The following IL19 variants were observed in gnomAD, a reference collection of about 807,000 sequenced individuals.
IL19 encodes the protein interleukin-19.
In IL19, 15 loss-of-function variants were observed where a neutral mutation model predicts 19.5. The ratio of observed to expected loss-of-function variants is 0.77; its 90% confidence interval spans 0.52 to 1.19. IL19 has a LOEUF of 1.19. Among genes scored for constraint, IL19 ranks in the 50% most tolerant of loss-of-function variants. The pLI is 0.00. For missense variants in IL19, 199 were observed against 213.1 expected, an observed-to-expected ratio of 0.93 and a Z score of 0.41; for synonymous variants, 78 against 78.3, an observed-to-expected ratio of 1.00 and a Z score of 0.02.
intron 1 of IL19, among the ~76,000 whole-genome samples, chr1:206,791,306 T>G (rs928455819): frequency 1.3e-5 from 2 of 151,158 alleles, no homozygotes; most frequent in African/African-American, 2.4e-5. Flanking sequence ...CTTAGGTTTT[T>G]TTTTTTTTTT....
chr1:206,800,618 G>A (rs765401634), intron 2 of IL19, among the ~76,000 whole-genome samples: 5 of 152,176 alleles, frequency 3.3e-5, no homozygotes, highest in South Asian at 2.1e-4. Flanking sequence ...TTAGGAAACC[G>A]GGATGGGGAA....
At chr1:206,803,940 G>A (rs951210237) in intron 2 of IL19, among the ~76,000 whole-genome samples, 2 of 152,196 alleles carry the variant, frequency 1.3e-5, no homozygotes, top group African/African-American at 4.8e-5. Context: ...CTAGGAAATA[G>A]CACTTGGAAA....
At chr1:206,783,109 G>A (rs1675185591) in intron 1 of IL19, among the ~76,000 whole-genome samples, 1 of 152,158 alleles carries the variant, frequency 6.6e-6, no homozygotes, top group Non-Finnish European at 1.5e-5. Flanking sequence ...CATTTTATAA[G>A]GAGGGCACCC....
At chr1:206,776,893 T>C (rs1675013023) in intron 1 of IL19, among the ~76,000 whole-genome samples, 1 of 130,258 alleles carries the variant, frequency 7.7e-6, no homozygotes, top group African/African-American at 3.0e-5. Flanking sequence ...TTTCACTGTA[T>C]TAAATCTTGC....
At chr1:206,792,270 A>T (rs1675425886) in intron 1 of IL19, among the ~76,000 whole-genome samples, 2 of 152,150 alleles carry the variant, frequency 1.3e-5, no homozygotes, top group South Asian at 4.1e-4. Context: ...TAAATTCCTT[A>T]ACCATCTTTT....
At chr1:206,794,283 G>C (rs1257472193) in intron 1 of IL19, among the ~76,000 whole-genome samples, 1 of 152,160 alleles carries the variant, frequency 6.6e-6, no homozygotes, top group Non-Finnish European at 1.5e-5. Context: ...AATAACAGAT[G>C]GAAAGTTCCT....
chr1:206,787,512 C>G (rs1558607790), intron 1 of IL19, among the ~76,000 whole-genome samples: 1 of 152,160 alleles, frequency 6.6e-6, no homozygotes, highest in Non-Finnish European at 1.5e-5. Context: ...TTGACTAAGG[C>G]ACAGGTTTAC....
intron 1 of IL19, among the ~76,000 whole-genome samples, chr1:206,781,414 C>CAAAAAAAAAAAAAAAAAAAAAAA (rs57060549): frequency 5.3e-4 from 23 of 43,000 alleles, no homozygotes; most frequent in East Asian, 8.6e-4. Flanking sequence ...GACTCTGTCT[C>CAAAAAAAAAAAAAAAAAAAAAAA]AAAAAAAAAA....
intron 1 of IL19, among the ~76,000 whole-genome samples, chr1:206,788,584 A>G (rs976159093): frequency 5.3e-5 from 8 of 151,868 alleles, no homozygotes; most frequent in African/African-American, 1.9e-4. Flanking sequence ...TACATGGATG[A>G]ACTGTACAGT....
intron 2 of IL19, among the ~76,000 whole-genome samples, chr1:206,801,922 TG>T (rs1184627231): frequency 6.6e-6 from 1 of 152,172 alleles, no homozygotes; most frequent in Non-Finnish European, 1.5e-5. Context: ...AAGGCAGCTT[TG>T]GGAAGAACTC....
intron 1 of IL19, among the ~76,000 whole-genome samples, chr1:206,795,063 G>A (rs1449574193): frequency 6.6e-6 from 1 of 152,128 alleles, no homozygotes; most frequent in African/African-American, 2.4e-5. Flanking sequence ...TCTGGCCCAG[G>A]TGTCTTTCAG....
intron 2 of IL19, among the ~76,000 whole-genome samples, chr1:206,805,444 C>T (rs1426835111): frequency 6.6e-6 from 1 of 152,148 alleles, no homozygotes; most frequent in East Asian, 1.9e-4. Context: ...ATGCTAGATG[C>T]TAAAACAATT....
intron 2 of IL19, among the ~76,000 whole-genome samples, chr1:206,820,119 A>T (rs1181653927): frequency 1.3e-5 from 2 of 152,146 alleles, no homozygotes; most frequent in Non-Finnish European, 1.5e-5. Flanking sequence ...ATATTTTAGG[A>T]TCCTCATCCT....
intron 1 of IL19, among the ~76,000 whole-genome samples, chr1:206,795,319 G>A (rs985230675): frequency 3.4e-4 from 51 of 152,150 alleles, no homozygotes; most frequent in Admixed American, 2.7e-3. Context: ...CATCCAGCTG[G>A]GTGTATTCTG....
chr1:206,792,366 T>C (rs1675428960), intron 1 of IL19, among the ~76,000 whole-genome samples: 1 of 152,196 alleles, frequency 6.6e-6, no homozygotes, highest in African/African-American at 2.4e-5. Context: ...GGATGCTCCC[T>C]GACAGGGCCA....
At chr1:206,788,163 C>T (rs147927427) in intron 1 of IL19, among the ~76,000 whole-genome samples, 234 of 152,196 alleles carry the variant, frequency 1.5e-3, no homozygotes, top group African/African-American at 5.3e-3. Flanking sequence ...CATGTGTGTG[C>T]GTGTGTGACT....
intron 1 of IL19, among the ~76,000 whole-genome samples, chr1:206,785,633 G>C (rs1261304743): frequency 6.6e-6 from 1 of 152,174 alleles, no homozygotes; most frequent in Non-Finnish European, 1.5e-5. Context: ...CTCCAGAGAG[G>C]GCAGCCAGGG....
chr1:206,818,081 T>C (rs1454296406), intron 2 of IL19, among the ~76,000 whole-genome samples: 1 of 152,212 alleles, frequency 6.6e-6, no homozygotes, highest in African/African-American at 2.4e-5. Flanking sequence ...GTAGAAGATT[T>C]CAATACCCAT....
intron 6 of IL19, among the ~76,000 whole-genome samples, chr1:206,841,732 T>A (rs1330759557): frequency 6.6e-6 from 1 of 152,206 alleles, no homozygotes; most frequent in Non-Finnish European, 1.5e-5. Flanking sequence ...TAAGATAATG[T>A]TATAGAAATA....
Sources: gnomAD v4.1 joint callset for allele counts (sites outside exome capture counted in the v4.1 genomes callset) on GRCh38, gnomAD v4.1.1 for gene constraint, MANE v1.5 for transcripts, NCBI Gene and HGNC (gene_info 2026-07-23, HGNC 2026-07-21) for gene names.